The following HEMK2 variants were observed in gnomAD, a reference collection of about 807,000 sequenced individuals.
HEMK2 encodes HemK methyltransferase 2, ETF1 glutamine and histone H4 lysine, also known as methyltransferase HEMK2.
chr21:28,682,551 G>T, the HEMK2 span, among the ~76,000 whole-genome samples: 1 of 151,892 alleles, frequency 6.6e-6, no homozygotes, highest in Non-Finnish European at 1.5e-5. Context: ...CCCATTACTG[G>T]GTATATACCC....
chr21:28,729,836 G>A, the HEMK2 span, among the ~76,000 whole-genome samples: 3 of 152,198 alleles, frequency 2.0e-5, no homozygotes, highest in South Asian at 2.1e-4. Flanking sequence ...ACGGGTTGTC[G>A]AGTGATAAAC....
At chr21:28,882,014 G>A in the HEMK2 span, 4 of 485,456 alleles carry the variant, frequency 8.2e-6, no homozygotes, top group Admixed American at 1.7e-4. Flanking sequence ...TTGTGGAAAA[G>A]GTGGATTACA....
chr21:28,876,444 C>T, the HEMK2 span: 1 of 1,611,784 alleles, frequency 6.2e-7, no homozygotes, highest in Non-Finnish European at 8.5e-7. Flanking sequence ...CTGGAAAGTG[C>T]AGTGGTTCCT....
chr21:28,718,126 T>C, the HEMK2 span, among the ~76,000 whole-genome samples: 2 of 152,202 alleles, frequency 1.3e-5, no homozygotes, highest in African/African-American at 4.8e-5. Context: ...GTTGTGTCTG[T>C]TTTCATTTAT....
At chr21:28,795,113 T>C in the HEMK2 span, among the ~76,000 whole-genome samples, 4 of 152,328 alleles carry the variant, frequency 2.6e-5, no homozygotes, top group East Asian at 7.7e-4. Flanking sequence ...AAGTGCTGTC[T>C]TTGTTGAATT....
At chr21:28,708,996 T>C in the HEMK2 span, among the ~76,000 whole-genome samples, 1 of 152,216 alleles carries the variant, frequency 6.6e-6, no homozygotes, top group African/African-American at 2.4e-5. Flanking sequence ...GGTGACAGTA[T>C]GGTCTGGTCC....
chr21:28,710,805 TG>T, the HEMK2 span, among the ~76,000 whole-genome samples: 1 of 152,230 alleles, frequency 6.6e-6, no homozygotes, highest in African/African-American at 2.4e-5. Flanking sequence ...ATAGTATTTT[TG>T]CTATTTTTTA....
chr21:28,626,408 A>G, the HEMK2 span, among the ~76,000 whole-genome samples: 1 of 152,202 alleles, frequency 6.6e-6, no homozygotes, highest in Admixed American at 6.5e-5. Flanking sequence ...CCTAAAACAA[A>G]TTAGTTAATT....
At chr21:28,838,973 ATATATATAT>A in the HEMK2 span, among the ~76,000 whole-genome samples, 74 of 22,522 alleles carry the variant, frequency 3.3e-3, 1 homozygote, top group South Asian at 5.6e-3. Context: ...AAAAAAAAAA[ATATATATAT>A]ATATATATAT....
At chr21:28,882,476 T>C in the HEMK2 span, among the ~76,000 whole-genome samples, 1 of 152,168 alleles carries the variant, frequency 6.6e-6, no homozygotes, top group South Asian at 2.1e-4. Context: ...TACACATACA[T>C]GCACAGACAT....
chr21:28,580,132 C>T, the HEMK2 span, among the ~76,000 whole-genome samples: 2 of 152,168 alleles, frequency 1.3e-5, no homozygotes, highest in African/African-American at 4.8e-5. Flanking sequence ...TCGGCTTCTA[C>T]CACTTTGTAC....
the HEMK2 span, among the ~76,000 whole-genome samples, chr21:28,702,023 C>T: frequency 1.3e-4 from 20 of 151,982 alleles, no homozygotes; most frequent in East Asian, 3.1e-3. Flanking sequence ...TGAGAAATAA[C>T]GCAGCACACC....
chr21:28,609,918 C>T, the HEMK2 span, among the ~76,000 whole-genome samples: 1 of 152,008 alleles, frequency 6.6e-6, no homozygotes, highest in Non-Finnish European at 1.5e-5. Context: ...TGCTAAATGA[C>T]CAAAACTAAG....
At chr21:28,655,055 A>G in the HEMK2 span, among the ~76,000 whole-genome samples, 1 of 152,056 alleles carries the variant, frequency 6.6e-6, no homozygotes, top group South Asian at 2.1e-4. Context: ...ATATTTACCA[A>G]AAAAATCTGA....
At chr21:28,680,794 C>A in the HEMK2 span, among the ~76,000 whole-genome samples, 1 of 152,142 alleles carries the variant, frequency 6.6e-6, no homozygotes, top group Non-Finnish European at 1.5e-5. Flanking sequence ...GAACCAACGA[C>A]AAAAACCATA....
chr21:28,753,166 G>A, the HEMK2 span, among the ~76,000 whole-genome samples: 1 of 152,048 alleles, frequency 6.6e-6, no homozygotes, highest in African/African-American at 2.4e-5. Context: ...AGACCAGCGT[G>A]GCCAATATGG....
At chr21:28,700,176 T>C in the HEMK2 span, among the ~76,000 whole-genome samples, 2 of 152,132 alleles carry the variant, frequency 1.3e-5, no homozygotes, top group Non-Finnish European at 2.9e-5. Flanking sequence ...CACCAGGGAA[T>C]TGGTGTCACC....
the HEMK2 span, among the ~76,000 whole-genome samples, chr21:28,611,182 C>T: frequency 6.6e-6 from 1 of 152,062 alleles, no homozygotes; most frequent in South Asian, 2.1e-4. Context: ...TTAAGAAAAT[C>T]AAAACTATAG....
At chr21:28,778,401 T>C in the HEMK2 span, among the ~76,000 whole-genome samples, 1 of 152,248 alleles carries the variant, frequency 6.6e-6, no homozygotes, top group African/African-American at 2.4e-5. Flanking sequence ...TTCATCAACA[T>C]GTTTTTATAT....
Sources: allele counts gnomAD v4.1 joint callset (sites outside exome capture counted in the v4.1 genomes callset), GRCh38; gene constraint gnomAD v4.1.1; transcripts MANE v1.5; gene names NCBI Gene and HGNC (gene_info 2026-07-23, HGNC 2026-07-21).